Variants in MCTP2 observed in about 807,000 individuals in gnomAD.
The protein encoded by MCTP2 is multiple C2 and transmembrane domain containing 2, also known as multiple C2 and transmembrane domain-containing protein 2.
In MCTP2, 132 loss-of-function variants were observed where a neutral mutation model predicts 111.6. The observed-to-expected ratio is 1.18, with a 90% CI of 1.03 to 1.37. The LOEUF (loss-of-function observed/expected upper bound fraction) is 1.37, where lower values mean the gene tolerates loss of function less well. Ranked by LOEUF, MCTP2 falls within the 40% of genes most tolerant of loss-of-function variation. The pLI is 0.00. For synonymous variants in MCTP2, 395 were observed against 387.7 expected, an observed-to-expected ratio of 1.02 and a Z score of -0.22; for missense variants, 1,183 against 1,067.9, an observed-to-expected ratio of 1.11 and a Z score of -1.50.
intron 20 of MCTP2, among the ~76,000 whole-genome samples, chr15:94,464,259 A>ATTATATATATATATATATAT (rs1555481437): frequency 2.4e-5 from 1 of 42,140 alleles, no homozygotes; most frequent in African/African-American, 6.8e-5. Flanking sequence ...TATATATATT[A>ATTATATATATATATATATAT]TATATATATA....
chr15:94,276,714 A>G (rs1426263529), intron 1 of MCTP2, among the ~76,000 whole-genome samples: 1 of 115,752 alleles, frequency 8.6e-6, no homozygotes, highest in Non-Finnish European at 1.7e-5. Context: ...ACATTAGAAT[A>G]TCAATGTAAT....
At chr15:94,263,596 C>A (rs1596215847) in intron 1 of MCTP2, among the ~76,000 whole-genome samples, 1 of 152,312 alleles carries the variant, frequency 6.6e-6, no homozygotes, top group South Asian at 2.1e-4. Flanking sequence ...GAACACCAGA[C>A]AACACTACAG....
At chr15:94,282,530 ATGTC>A in intron 1 of MCTP2, among the ~76,000 whole-genome samples, 1 of 152,096 alleles carries the variant, frequency 6.6e-6, no homozygotes, top group African/African-American at 2.4e-5. Context: ...TCTGAATTCT[ATGTC>A]TGTCATTTCA....
intron 10 of MCTP2, among the ~76,000 whole-genome samples, chr15:94,360,314 C>T (rs1281730154): frequency 2.0e-5 from 3 of 152,192 alleles, no homozygotes; most frequent in Non-Finnish European, 4.4e-5. Context: ...CTTCTACAGA[C>T]ATGGCCTGTC....
intron 21 of MCTP2, among the ~76,000 whole-genome samples, chr15:94,475,590 G>C (rs373998502): frequency 6.6e-6 from 1 of 152,190 alleles, no homozygotes; most frequent in Non-Finnish European, 1.5e-5. Context: ...TTCATTCAGC[G>C]TCATTGGGAC....
rs369142747 is a variant in MCTP2, at chr15:94,482,846, T to C, written c.*3812T>C. Reference sequence around the variant, plus strand: ...TGTCCTAGAATTCAGTGGCAGAGCATACTGCAAGAAAGCTGATGTGGTCAA... The same window carrying C: ...TGTCCTAGAATTCAGTGGCAGAGCACACTGCAAGAAAGCTGATGTGGTCAA... On this transcript the variant is annotated 3_prime_UTR_variant, in exon 23 of 23. Coordinates refer to ENST00000357742, the MANE Select transcript of MCTP2 (RefSeq NM_001385001.1). 7 of 152,340 alleles carry C rather than the reference T, an allele frequency of 4.6e-5. No individual in the cohort carries two copies. In the East Asian group the frequency reaches 7.7e-4, roughly 17 times the overall value. 9.4% of individuals were successfully genotyped at this position (152,340 alleles called of 1,614,324 possible).
chr15:94,320,647 G>C (rs1484853473), intron 4 of MCTP2, among the ~76,000 whole-genome samples: 1 of 152,126 alleles, frequency 6.6e-6, no homozygotes, highest in Non-Finnish European at 1.5e-5. Flanking sequence ...AGCATGTCTT[G>C]GGTTTCCTCA....
At chr15:94,248,047 G>A (rs1182912975) in intron 1 of MCTP2, among the ~76,000 whole-genome samples, 1 of 152,116 alleles carries the variant, frequency 6.6e-6, no homozygotes, top group Admixed American at 6.6e-5. Context: ...TGGATCCTTA[G>A]GGCCATCAAG....
intron 22 of MCTP2, among the ~76,000 whole-genome samples, chr15:94,477,419 G>A (rs751456461): frequency 6.6e-6 from 1 of 152,116 alleles, no homozygotes; most frequent in Non-Finnish European, 1.5e-5. Context: ...AGAGATTAAC[G>A]AAGGCAACAA....
chr15:94,314,401 G>A lies in MCTP2; in HGVS notation c.528+57G>A. On this transcript the variant is annotated intron_variant, in intron 3 of 22. Transcript: ENST00000357742. ...ATGTTGTAGATATTTCTCATCAAAT[G>A]TTTGGGTTTGTATTTTTTTTGCCTC... The A allele has an allele frequency of 1.1e-5, 13 of 1,193,820 alleles. No individual in the cohort carries two copies. In the South Asian group the frequency reaches 1.6e-4, roughly 15 times the overall value. 74.0% of individuals were successfully genotyped at this position (1,193,820 alleles called of 1,614,324 possible).
At chr15:94,382,855 T>C (rs1236257130) in intron 12 of MCTP2, among the ~76,000 whole-genome samples, 1 of 152,264 alleles carries the variant, frequency 6.6e-6, no homozygotes, top group Non-Finnish European at 1.5e-5. Context: ...CCTACGGACA[T>C]TACGGAGCCA....
intron 1 of MCTP2, among the ~76,000 whole-genome samples, chr15:94,297,405 T>G (rs1391278647): frequency 6.6e-6 from 1 of 152,212 alleles, no homozygotes; most frequent in Non-Finnish European, 1.5e-5. Context: ...TTGCTTTGTT[T>G]AAGGGCTTCA....
intron 18 of MCTP2, among the ~76,000 whole-genome samples, chr15:94,442,049 T>C (rs1025794467): frequency 2.0e-5 from 3 of 152,210 alleles, no homozygotes; most frequent in African/African-American, 7.2e-5. Context: ...TACTCCCTTT[T>C]AAGAGCATGA....
At chr15:94,457,848 C>G (rs181740435) in intron 19 of MCTP2, among the ~76,000 whole-genome samples, 1 of 152,170 alleles carries the variant, frequency 6.6e-6, no homozygotes, top group East Asian at 1.9e-4. Context: ...CTGCGAGGGA[C>G]GCGGCAGCCT....
chr15:94,294,245 A>G (rs2075159926), intron 1 of MCTP2, among the ~76,000 whole-genome samples: 2 of 152,194 alleles, frequency 1.3e-5, no homozygotes. Flanking sequence ...TTGGGGATAG[A>G]CAGACCCCTC....
chr15:94,374,422 C>T (rs79926779), intron 12 of MCTP2, among the ~76,000 whole-genome samples: 20,499 of 152,166 alleles, frequency 0.13, 1,560 homozygotes, highest in Middle Eastern at 0.19. Flanking sequence ...TTATAGTTGA[C>T]AGTATGCTGC....
At chr15:94,450,421 A>G (rs768963181) in intron 19 of MCTP2, among the ~76,000 whole-genome samples, 1 of 152,226 alleles carries the variant, frequency 6.6e-6, no homozygotes. Context: ...GAATTTCTAA[A>G]TGACAGCTCC....
chr15:94,440,381 C>T, intron 18 of MCTP2, 83 bp downstream of exon 18: 1 of 1,564,536 alleles, frequency 6.4e-7, no homozygotes. Context: ...AATCATGGCC[C>T]AAGTCCATTT....
intron 16 of MCTP2, among the ~76,000 whole-genome samples, chr15:94,401,415 A>G (rs2081582392): frequency 6.6e-6 from 1 of 152,152 alleles, no homozygotes; most frequent in African/African-American, 2.4e-5. Context: ...AACTCTGTAG[A>G]CCTCTGGACT....
Sources: gnomAD v4.1 joint callset for allele counts (sites outside exome capture counted in the v4.1 genomes callset) on GRCh38, gnomAD v4.1.1 for gene constraint, MANE v1.5 for transcripts, NCBI Gene and HGNC (gene_info 2026-07-23, HGNC 2026-07-21) for gene names.